The following TMEM220 variants were observed in gnomAD, a reference collection of about 807,000 sequenced individuals.
TMEM220 encodes transmembrane protein 220.
In TMEM220, 21 loss-of-function variants were observed where a neutral mutation model predicts 21.7. The observed-to-expected ratio is 0.97, with a 90% CI of 0.69 to 1.39. The LOEUF (loss-of-function observed/expected upper bound fraction) is 1.39, where lower values mean the gene tolerates loss of function less well. Ranked by LOEUF, TMEM220 falls within the 40% of genes most tolerant of loss-of-function variation. The probability of loss-of-function intolerance (pLI) is 0.00; values close to 1 mark genes in which losing one functional copy is unlikely to be tolerated. For missense variants in TMEM220, 191 were observed against 201.9 expected, an observed-to-expected ratio of 0.95 and a Z score of 0.33; for synonymous variants, 80 against 73.6, an observed-to-expected ratio of 1.09 and a Z score of -0.45.
intron 5 of TMEM220, among the ~76,000 whole-genome samples, chr17:10,720,021 C>A (rs2074968797): frequency 6.6e-6 from 1 of 152,174 alleles, no homozygotes; most frequent in Non-Finnish European, 1.5e-5. Context: ...ACCCCTTTCT[C>A]AACGATCCGA....
intron 3 of TMEM220, 99 bp downstream of exon 3, chr17:10,726,105 G>A: frequency 1.1e-6 from 1 of 915,940 alleles, no homozygotes. Context: ...GAAAGGCCTA[G>A]AGAGCCCCGT....
chr17:10,716,198 A>G (rs12452583), intron 5 of TMEM220: 13,459 of 883,686 alleles, frequency 0.015, 587 homozygotes, highest in East Asian at 0.13. Flanking sequence ...TCAATAAGGG[A>G]ACCAATTTTT....
intron 1 of TMEM220, 53 bp from the exon 2 acceptor site, chr17:10,729,113 C>CT (rs2075089334): frequency 5.0e-6 from 8 of 1,603,590 alleles, no homozygotes; most frequent in South Asian, 3.3e-5. Context: ...TGTTCCATTC[C>CT]TTTTAAATTC....
intron 4 of TMEM220, 75 bp from the exon 5 acceptor site, chr17:10,723,404 C>T: frequency 9.3e-7 from 1 of 1,080,058 alleles, no homozygotes; most frequent in Non-Finnish European, 1.4e-6. Context: ...CTCTCCATGA[C>T]CACCTGATAG....
chr17:10,718,231 A>C (rs1422970096), intron 5 of TMEM220, among the ~76,000 whole-genome samples: 1 of 152,116 alleles, frequency 6.6e-6, no homozygotes, highest in African/African-American at 2.4e-5. Context: ...TGTATTTTCA[A>C]ATTTATTGGT....
chr17:10,723,365 G>C lies in TMEM220; in HGVS notation c.288-36C>G, dbSNP rs748074905. ...GTGTACATTTCAGATTTTGGAAGTG[G>C]CTACAAGTGAGATGCATATCATCAC... On this transcript the variant is annotated intron_variant, in intron 4 of 5. Transcript: ENST00000341871. 16 of 1,559,714 alleles carry C rather than the reference G, an allele frequency of 1.0e-5. No homozygotes were observed. In the Admixed American group the frequency reaches 2.7e-4, roughly 26 times the overall value.
downstream of TMEM220, among the ~76,000 whole-genome samples, chr17:10,713,032 A>G (rs1229845004): frequency 6.6e-6 from 1 of 152,172 alleles, no homozygotes; most frequent in Non-Finnish European, 1.5e-5. Context: ...GCACTTTGGG[A>G]GGCCGAGGTG....
chr17:10,717,752 G>A (rs1217496726), intron 5 of TMEM220, among the ~76,000 whole-genome samples: 2 of 152,002 alleles, frequency 1.3e-5, no homozygotes, highest in Admixed American at 6.6e-5. Context: ...TAAATATTAT[G>A]TAGACATCTC....
chr17:10,723,599 C>T (rs1035540070), intron 4 of TMEM220, among the ~76,000 whole-genome samples: 1 of 152,148 alleles, frequency 6.6e-6, no homozygotes, highest in Non-Finnish European at 1.5e-5. Flanking sequence ...GTGGATCCCC[C>T]CAAAATGAAA....
intron 3 of TMEM220, among the ~76,000 whole-genome samples, chr17:10,725,648 G>T (rs2075041393): frequency 6.6e-6 from 1 of 152,240 alleles, no homozygotes; most frequent in African/African-American, 2.4e-5. Flanking sequence ...ATGACAGATG[G>T]TGGAACTGAG....
rs202312 is a variant in TMEM220 at position 10,729,928 on chromosome 17, T to C, written c.-77A>G. On this transcript the variant is annotated 5_prime_UTR_variant, in exon 1 of 6. Coordinates refer to ENST00000341871, the MANE Select transcript of TMEM220 (RefSeq NM_001004313.3). ...GAGTCCTGCCACGTACGGTCCGCCTTCCTCCTTGCGCGGAGGGACCGAGAC... is the reference window on the plus strand; with the variant it reads ...GAGTCCTGCCACGTACGGTCCGCCTCCCTCCTTGCGCGGAGGGACCGAGAC... 1 allele frequency: 1,240,316 copies of C among 1,240,508 alleles called. 620,064 individuals are homozygous for C. Among genetic ancestry groups the C allele is most frequent in the Non-Finnish European group, 1 (990,690 of 990,718 alleles). The allele number at this position is 1,240,508 out of a possible 1,614,324, so 76.8% of individuals were successfully genotyped here.
chr17:10,720,536 C>G (rs2074975177), intron 5 of TMEM220, among the ~76,000 whole-genome samples: 1 of 152,114 alleles, frequency 6.6e-6, no homozygotes, highest in Non-Finnish European at 1.5e-5. Flanking sequence ...AAAAAATTTT[C>G]CCCCATAGGG....
chr17:10,714,341 G>A lies in TMEM220; in HGVS notation c.*1112C>T, dbSNP rs2074882833. 1 of 149,860 alleles carries A rather than the reference G, an allele frequency of 6.7e-6. No individual in the cohort carries two copies. The highest frequency in any genetic ancestry group is 6.7e-5 in the Admixed American group (1 of 15,004). The allele number at this position is 149,860 out of a possible 1,614,324, so 9.3% of individuals were successfully genotyped here. A position where few individuals can be genotyped will look rare whatever the true frequency, so the allele number is the denominator to read the frequency against. On this transcript the variant is annotated 3_prime_UTR_variant, in exon 6 of 6. Coordinates refer to ENST00000341871, the MANE Select transcript of TMEM220 (RefSeq NM_001004313.3). ...CAAGTTGTTCCAAACACAATTGTAA[G>A]TTTTCCAATAATCAAGTATCCATTT...
intron 1 of TMEM220, 48 bp downstream of exon 1, chr17:10,729,732 G>T: frequency 1.5e-6 from 2 of 1,310,270 alleles, no homozygotes; most frequent in South Asian, 2.0e-5. Flanking sequence ...AGGCCAGGGG[G>T]CGGAGCTGGG....
intron 3 of TMEM220, among the ~76,000 whole-genome samples, chr17:10,725,401 C>T (rs2075038931): frequency 6.6e-6 from 1 of 152,238 alleles, no homozygotes; most frequent in Admixed American, 6.5e-5. Flanking sequence ...CATGTCCACA[C>T]TCACAGTCCA....
In TMEM220 at chr17:10,729,302, A is replaced by G. The variant is rs538794485; in HGVS notation, c.73-242T>C. Among the ~76,000 whole-genome samples the G allele has an allele frequency of 1.2e-4, 19 of 152,264 alleles. No homozygotes were observed. In the East Asian group the frequency reaches 2.5e-3, roughly 20 times the overall value. On this transcript the variant is annotated intron_variant, in intron 1 of 5. Transcript: ENST00000341871. The stretch of plus-strand genomic sequence containing the variant: ...TGAAAAGCCTTCACGGGAGCTCTGG[A>G]GAGGACTCGCCAACCCAGAACGGGT...
intron 2 of TMEM220, among the ~76,000 whole-genome samples, chr17:10,727,605 G>A (rs946603535): frequency 2.0e-5 from 3 of 152,114 alleles, no homozygotes; most frequent in Non-Finnish European, 4.4e-5. Context: ...TTCAAGATAC[G>A]GACCAGGGTG....
chr17:10,729,874 G>A lies in TMEM220; in HGVS notation c.-23C>T, dbSNP rs2075106453. On this transcript the variant is annotated 5_prime_UTR_variant, in exon 1 of 6. Transcript: ENST00000341871. Reference sequence around the variant, plus strand: ...CATGGCTCGGAGAACACGGCGCGGGGCGGTGAGTCCTGCCACGTGCGGGGC... The same window carrying A: ...CATGGCTCGGAGAACACGGCGCGGGACGGTGAGTCCTGCCACGTGCGGGGC... 7.7e-7 allele frequency: 1 copy of A among 1,291,954 alleles called. No individual in the cohort carries two copies. The highest frequency in any genetic ancestry group is 3.8e-5 in the Admixed American group (1 of 26,342). 80.0% of individuals were successfully genotyped at this position (1,291,954 alleles called of 1,614,324 possible).
chr17:10,726,008 G>A (rs140893650), intron 3 of TMEM220, among the ~76,000 whole-genome samples, 196 bp downstream of exon 3: 44 of 152,316 alleles, frequency 2.9e-4, no homozygotes, highest in African/African-American at 1.1e-3. Context: ...AACAGAAGAC[G>A]CTGTTTTATA....
Sources: gnomAD v4.1 joint callset for allele counts (sites outside exome capture counted in the v4.1 genomes callset) on GRCh38, gnomAD v4.1.1 for gene constraint, MANE v1.5 for transcripts, NCBI Gene and HGNC (gene_info 2026-07-23, HGNC 2026-07-21) for gene names.